The following UBE3A variants were observed in gnomAD, a reference collection of about 807,000 sequenced individuals.
The protein encoded by UBE3A is ubiquitin-protein ligase E3A.
Under a neutral mutation model 83.4 loss-of-function variants are expected in UBE3A, and 6 were observed. The ratio of observed to expected loss-of-function variants is 0.07; its 90% CI spans 0.04 to 0.14. UBE3A has a LOEUF of 0.14. UBE3A is among the 10% of genes least tolerant of loss of function. The pLI is 1.00. For synonymous variants in UBE3A, 337 were observed against 355.4 expected (o/e 0.95, Z 0.58); for missense variants, 456 against 1,036.1 (o/e 0.44, Z 7.69).
intron 11 of UBE3A, among the ~76,000 whole-genome samples, chr15:25,347,439 T>C (rs2075858468): frequency 6.6e-6 from 1 of 152,210 alleles, no homozygotes; most frequent in South Asian, 2.1e-4. Context: ...TGGTGGCTCA[T>C]GCCTGTAATT....
intron 4 of UBE3A, among the ~76,000 whole-genome samples, chr15:25,394,843 G>A (rs974139595): frequency 5.3e-5 from 8 of 152,136 alleles, no homozygotes; most frequent in Non-Finnish European, 1.5e-5. Flanking sequence ...CTTTCATGTA[G>A]GAAGTAGTTA....
chr15:25,382,526 T>C (rs919835112), intron 4 of UBE3A, among the ~76,000 whole-genome samples: 10 of 151,530 alleles, frequency 6.6e-5, no homozygotes, highest in Admixed American at 3.9e-4. Flanking sequence ...TAACTTTACA[T>C]CTTATGGAAT....
rs1165292038 is a variant in UBE3A, at chr15:25,335,034, TA to T, written c.*4102del. The T allele has an allele frequency of 1.3e-5, 2 of 152,026 alleles. No individual in the cohort carries two copies. Among genetic ancestry groups the T allele is most frequent in the African/African-American group, 4.8e-5 (2 of 41,382 alleles). The allele number at this position is 152,026 out of a possible 1,614,324, so 9.4% of individuals were successfully genotyped here. On this transcript the variant is annotated 3_prime_UTR_variant, in exon 13 of 13. Transcript: ENST00000648336. ...TGACAGTCTCTATCATGAATTTACT[TA>T]CACTCCAGGCAAAGGTTATTAGAAG...
intron 4 of UBE3A, among the ~76,000 whole-genome samples, chr15:25,380,784 T>C (rs2082049934): frequency 1.3e-5 from 2 of 152,236 alleles, no homozygotes; most frequent in African/African-American, 4.8e-5. Context: ...TTATAATGTG[T>C]TGATTTTTAA....
intron 1 of UBE3A, among the ~76,000 whole-genome samples, chr15:25,435,231 T>TAC (rs56786510): frequency 0.012 from 1,659 of 143,714 alleles, 21 homozygotes; most frequent in African/African-American, 0.029. Context: ...GATAGGGTTT[T>TAC]ACACACACAC....
intron 5 of UBE3A, 95 bp downstream of exon 5, chr15:25,375,370 A>G (rs1002118397): frequency 1.4e-6 from 2 of 1,428,298 alleles, no homozygotes; most frequent in African/African-American, 2.9e-5. Context: ...AAATGTCTTT[A>G]TGTCACAGAA....
At chr15:25,366,743 TTC>T (rs1189707734) in intron 6 of UBE3A, among the ~76,000 whole-genome samples, 1 of 151,846 alleles carries the variant, frequency 6.6e-6, no homozygotes, top group African/African-American at 2.4e-5. Flanking sequence ...GCCTTTCTCT[TTC>T]TCTCTATATA....
chr15:25,419,895 A>C (rs953553979), intron 1 of UBE3A, among the ~76,000 whole-genome samples: 1 of 152,128 alleles, frequency 6.6e-6, no homozygotes, highest in Non-Finnish European at 1.5e-5. Context: ...GGGAAAAAAA[A>C]CAGAGGGACA....
At chr15:25,365,265 A>T (rs1344729903) in intron 6 of UBE3A, among the ~76,000 whole-genome samples, 1 of 152,192 alleles carries the variant, frequency 6.6e-6, no homozygotes, top group East Asian at 1.9e-4. Context: ...TCAAAATATG[A>T]TATTACTAGA....
chr15:25,356,900 T>C lies in UBE3A; in HGVS notation c.1754-4A>G, dbSNP rs780429591. 1.6e-5 allele frequency: 25 copies of C among 1,607,506 alleles called. 1 individual carries two copies. The highest frequency in any genetic ancestry group is 1.9e-5 in the Non-Finnish European group (22 of 1,174,814). On this transcript the variant is annotated splice_region_variant and splice_polypyrimidine_tract_variant and intron_variant, in intron 7 of 12. Transcript: ENST00000648336. ...GATTCATCGTATGTGAACATACCTA[T>C]AAGAAATGATTTTTAAAAATACATT...
chr15:25,436,432 ATCATT>A (rs1164356230), intron 1 of UBE3A, among the ~76,000 whole-genome samples: 2 of 152,198 alleles, frequency 1.3e-5, no homozygotes, highest in Non-Finnish European at 2.9e-5. Flanking sequence ...ATTTGGAAAC[ATCATT>A]TCAAGAGCTT....
At chr15:25,369,568 C>T (rs1233065412) in intron 6 of UBE3A, among the ~76,000 whole-genome samples, 1 of 152,028 alleles carries the variant, frequency 6.6e-6, no homozygotes, top group African/African-American at 2.4e-5. Context: ...GACAACTTTA[C>T]TAGTATACTA....
chr15:25,339,408 T>C, intron 12 of UBE3A, 151 bp from the exon 13 acceptor site: 1 of 966,202 alleles, frequency 1.0e-6, no homozygotes, highest in Non-Finnish European at 1.5e-6. Flanking sequence ...TTTTGTTGTG[T>C]AACTACCAAG....
intron 1 of UBE3A, chr15:25,418,174 AT>A (rs1887882596): frequency 6.6e-6 from 1 of 152,164 alleles, no homozygotes; most frequent in Admixed American, 6.6e-5. Context: ...TGGTGGTATA[AT>A]CTTAAATGAC....
chr15:25,369,066 C>T (rs2079828970), intron 6 of UBE3A, among the ~76,000 whole-genome samples: 1 of 152,086 alleles, frequency 6.6e-6, no homozygotes, highest in South Asian at 2.1e-4. Context: ...CATAGACAGA[C>T]CTCAACATAC....
At chr15:25,428,289 T>C (rs1892010106) in intron 1 of UBE3A, among the ~76,000 whole-genome samples, 6 of 152,084 alleles carry the variant, frequency 3.9e-5, no homozygotes, top group Admixed American at 3.9e-4. Flanking sequence ...ATATTTAAAA[T>C]AAAAAATCCT....
At chr15:25,426,169 C>T (rs1264974315) in intron 1 of UBE3A, among the ~76,000 whole-genome samples, 1 of 152,170 alleles carries the variant, frequency 6.6e-6, no homozygotes, top group Non-Finnish European at 1.5e-5. Flanking sequence ...GACTTACCAG[C>T]AATGGAAGAA....
At chr15:25,411,554 C>T (rs2089997156) in intron 2 of UBE3A, among the ~76,000 whole-genome samples, 1 of 152,222 alleles carries the variant, frequency 6.6e-6, no homozygotes, top group South Asian at 2.1e-4. Context: ...GGTGCCACTG[C>T]ACTCCAGCCT....
chr15:25,345,250 TG>T (rs1398520804), intron 11 of UBE3A, among the ~76,000 whole-genome samples: 1 of 152,090 alleles, frequency 6.6e-6, no homozygotes, highest in Non-Finnish European at 1.5e-5. Flanking sequence ...AATTTGCAGA[TG>T]ATTACAAAGG....
Sources: allele counts gnomAD v4.1 joint callset (sites outside exome capture counted in the v4.1 genomes callset), GRCh38; gene constraint gnomAD v4.1.1; transcripts MANE v1.5; gene names NCBI Gene and HGNC (gene_info 2026-07-23, HGNC 2026-07-21).